The following LFNG variants were observed in gnomAD, a reference collection of about 807,000 sequenced individuals.
LFNG encodes LFNG O-fucosylpeptide 3-beta-N-acetylglucosaminyltransferase.
LFNG carries 15 observed loss-of-function variants against 32.7 expected under a neutral mutation model. The observed-to-expected ratio is 0.46, with a 90% confidence interval of 0.31 to 0.71. The LOEUF (loss-of-function observed/expected upper bound fraction) is 0.71. LFNG is among the 30% of genes least tolerant of loss of function. The pLI, the probability that LFNG is intolerant of heterozygous loss-of-function variation, is 0.06. For synonymous variants in LFNG, 274 were observed against 246.8 expected (o/e 1.11, Z -1.03); for missense variants, 520 against 545.7 (o/e 0.95, Z 0.47).
In LFNG at chr7:2,527,443, G is replaced by T. The variant is rs1780027420; in HGVS notation, c.*231G>T. 1 of 1,433,000 alleles carries T rather than the reference G, an allele frequency of 7.0e-7. No individual in the cohort carries two copies. Among genetic ancestry groups the T allele is most frequent in the African/African-American group, 1.4e-5 (1 of 70,112 alleles). 88.8% of individuals were successfully genotyped at this position (1,433,000 alleles called of 1,614,324 possible). A position where few individuals can be genotyped will look rare whatever the true frequency, so the allele number is the denominator to read the frequency against. ...CGCCACTTATGTGCCTCTGCTCCGA[G>T]GGCCAGTGGGCTGCAGGGCCTGCTT... On this transcript the variant is annotated 3_prime_UTR_variant, in exon 8 of 8. Coordinates refer to ENST00000222725, the MANE Select transcript of LFNG (RefSeq NM_001040167.2). This position sits in a 1 kb window ranked among gnomAD's most constrained non-coding sequence, Gnocchi z 4.4.
rs1779770804 is a variant in LFNG at position 2,520,969 on chromosome 7, G to A, written c.432+676G>A. Among the ~76,000 whole-genome samples, 1 of 152,146 alleles carries A rather than the reference G, an allele frequency of 6.6e-6. No individual in the cohort carries two copies. The highest frequency in any genetic ancestry group is 1.5e-5 in the Non-Finnish European group (1 of 68,034). The stretch of plus-strand genomic sequence containing the variant: ...ACACCCCACTTTGAACATTTCCCTC[G>A]AGGCCACAGCAGGACGGTTGGGCTG... On this transcript the variant is annotated intron_variant, in intron 1 of 7. Transcript: ENST00000222725. This position sits in a 1 kb window ranked among gnomAD's most constrained non-coding sequence, Gnocchi z 5.0.
intron 2 of LFNG, among the ~76,000 whole-genome samples, 156 bp downstream of exon 2, chr7:2,524,899 C>T (rs1779907905): frequency 6.6e-6 from 1 of 152,226 alleles, no homozygotes; most frequent in Non-Finnish European, 1.5e-5. Flanking sequence ...CCCGCCCCAC[C>T]ACTCGGGCCC....
upstream of LFNG, among the ~76,000 whole-genome samples, chr7:2,519,646 C>A (rs1241447624): frequency 4.7e-5 from 7 of 149,742 alleles, no homozygotes; most frequent in African/African-American, 1.7e-4. Flanking sequence ...GCCGCGGCCC[C>A]ACGTGGGTCT....
At chr7:2,515,548 G>A (rs1318134520), upstream of LFNG, among the ~76,000 whole-genome samples, 2 of 152,216 alleles carry the variant, frequency 1.3e-5, no homozygotes, top group Non-Finnish European at 2.9e-5. Flanking sequence ...AGGCCAAGTC[G>A]GCTGAACTCT....
upstream of LFNG, chr7:2,518,544 C>G (rs762597173): frequency 7.4e-7 from 1 of 1,360,430 alleles, no homozygotes; most frequent in Non-Finnish European, 1.1e-6. Context: ...AAAACCTGTT[C>G]CAGGTCTGAA....
At chr7:2,513,088 C>T, upstream of LFNG, 1 of 1,518,606 alleles carries the variant, frequency 6.6e-7, no homozygotes. Context: ...TCGTCTGGGC[C>T]CTGGGCACCT....
chr7:2,527,033 TC>T lies in LFNG; in HGVS notation c.1074-108del. ...AGCGGCATGACTCTACATAGAGGTGTCCCCCGGAGTCCTGCTTGCTCGGGGT... is the reference window on the plus strand; with the variant it reads ...AGCGGCATGACTCTACATAGAGGTGTCCCCGGAGTCCTGCTTGCTCGGGGT... On this transcript the variant is annotated intron_variant, in intron 7 of 7. Transcript: ENST00000222725. The surrounding 1 kb of genome is among the most constrained non-coding windows in gnomAD (Gnocchi z 4.4). 7.2e-7 allele frequency: 1 copy of T among 1,396,584 alleles called. No homozygotes were observed. The highest frequency in any genetic ancestry group is 1.0e-6 in the Non-Finnish European group (1 of 994,986). 86.5% of individuals were successfully genotyped at this position (1,396,584 alleles called of 1,614,324 possible).
rs923463900 is a variant in LFNG, at chr7:2,526,146, C to A, written c.822-98C>A. 15 of 1,355,552 alleles carry A rather than the reference C, an allele frequency of 1.1e-5. No homozygotes were observed. In the African/African-American group the frequency reaches 2.1e-4, roughly 19 times the overall value. The allele number at this position is 1,355,552 out of a possible 1,614,324, so 84.0% of individuals were successfully genotyped here. A position where few individuals can be genotyped will look rare whatever the true frequency, so the allele number is the denominator to read the frequency against. ...CCAGAGCTCTCCTCAGGGCTCCTCT[C>A]CCTGAGGAGTGCAGCGCCTTTGCCT... On this transcript the variant is annotated intron_variant, in intron 5 of 7. Transcript: ENST00000222725. The surrounding 1 kb of genome is among the most constrained non-coding windows in gnomAD (Gnocchi z 6.9).
upstream of LFNG, among the ~76,000 whole-genome samples, chr7:2,514,095 G>A (rs982616005): frequency 2.6e-5 from 4 of 152,246 alleles, no homozygotes; most frequent in African/African-American, 9.6e-5. Flanking sequence ...CCCAGGGCAG[G>A]GCAGGCACAT....
chr7:2,514,194 C>T (rs1779554317), upstream of LFNG, among the ~76,000 whole-genome samples: 1 of 152,256 alleles, frequency 6.6e-6, no homozygotes, highest in African/African-American at 2.4e-5. Flanking sequence ...GGCAGCCCTG[C>T]CAGGTCTTCT....
In LFNG at chr7:2,527,012, G is replaced by A; in HGVS notation, c.1073+91G>A. The A allele has an allele frequency of 2.1e-6, 3 of 1,432,524 alleles. No individual in the cohort carries two copies. The highest frequency in any genetic ancestry group is 1.8e-5 in the Admixed American group (1 of 55,546). The allele number at this position is 1,432,524 out of a possible 1,614,324, so 88.7% of individuals were successfully genotyped here. A position where few individuals can be genotyped will look rare whatever the true frequency, so the allele number is the denominator to read the frequency against. ...AGCTGCAGCAGGGTCTCTCTAAGCG[G>A]CATGACTCTACATAGAGGTGTCCCC... On this transcript the variant is annotated intron_variant, in intron 7 of 7. Transcript: ENST00000222725. This position sits in a 1 kb window ranked among gnomAD's most constrained non-coding sequence, Gnocchi z 4.4.
rs574367371 is a variant in LFNG at position 2,520,654 on chromosome 7, G to A, written c.432+361G>A. On this transcript the variant is annotated intron_variant, in intron 1 of 7. Transcript: ENST00000222725. The surrounding 1 kb of genome is among the most constrained non-coding windows in gnomAD (Gnocchi z 5.0). Reference sequence around the variant, plus strand: ...CCTCAAACTTCCACAAGCAAATTCTGTTCGGACCCACCCTCAGCTCAGACC... The same window carrying A: ...CCTCAAACTTCCACAAGCAAATTCTATTCGGACCCACCCTCAGCTCAGACC... 1.1e-4 allele frequency among the ~76,000 whole-genome samples: 16 copies of A among 152,352 alleles called. No homozygotes were observed. Among genetic ancestry groups the A allele is most frequent in the Middle Eastern group, 3.4e-3 (1 of 294 alleles).
upstream of LFNG, among the ~76,000 whole-genome samples, chr7:2,514,563 C>CATCT (rs771989847): frequency 6.6e-6 from 1 of 151,806 alleles, no homozygotes; most frequent in Non-Finnish European, 1.5e-5. Context: ...TCCATCCATC[C>CATCT]ATCCATCTAT....
rs1320763526 is a variant in LFNG at position 2,520,504 on chromosome 7, C to T, written c.432+211C>T. 6.6e-6 allele frequency among the ~76,000 whole-genome samples: 1 copy of T among 152,228 alleles called. No homozygotes were observed. On this transcript the variant is annotated intron_variant, in intron 1 of 7. Coordinates refer to ENST00000222725, the MANE Select transcript of LFNG (RefSeq NM_001040167.2). This position sits in a 1 kb window ranked among gnomAD's most constrained non-coding sequence, Gnocchi z 5.0. ...TGTGTTACTGTCCCCGGGGCCCCGC[C>T]TCCTGTCCAGCTCCAGAGTCCTGGA...
chr7:2,516,936 C>T (rs1481320624), upstream of LFNG, among the ~76,000 whole-genome samples: 4 of 152,138 alleles, frequency 2.6e-5, no homozygotes, highest in Non-Finnish European at 5.9e-5. Context: ...CAGGCTGGGC[C>T]CTGGGGCAGC....
intron 4 of LFNG, 50 bp downstream of exon 4, chr7:2,525,617 C>G (rs199749720): frequency 2.5e-6 from 4 of 1,611,782 alleles, no homozygotes; most frequent in Non-Finnish European, 2.5e-6. Context: ...AGCGCACACC[C>G]GGAGTGGGGG....
chr7:2,517,185 G>A (rs999568496), upstream of LFNG, among the ~76,000 whole-genome samples: 1 of 152,188 alleles, frequency 6.6e-6, no homozygotes, highest in African/African-American at 2.4e-5. Context: ...GGAAGCGGGC[G>A]GGGGTGGCTA....
upstream of LFNG, among the ~76,000 whole-genome samples, chr7:2,519,103 C>A (rs62444247): frequency 0.034 from 5,231 of 152,258 alleles, 179 homozygotes; most frequent in African/African-American, 0.088. Flanking sequence ...TTTCGGGGAG[C>A]CAACCCTCCC....
rs778384515 is a variant in LFNG at position 2,520,233 on chromosome 7, G to C, written c.372G>C (p.Lys124Asn). ...TCATCGCTGTCAAGACCACCAAAAA[G>C]TTCCACCGCGCGCGCCTCGACCTGC... ...DVFIAVKTTK[K>N]FHRARLDLLL... Residue 124 changes from lysine (K) to asparagine (N), a missense_variant, in exon 1 of 8, where the codon AAG becomes AAC. Around this residue, in one of 3 missense-constraint regions of LFNG, gnomAD observed 360 missense variants for 354.7 expected, o/e 1.01. Transcript: ENST00000222725. This position sits in a 1 kb window ranked among gnomAD's most constrained non-coding sequence, Gnocchi z 5.0. The C allele has an allele frequency of 1.9e-6, 3 of 1,610,058 alleles. No homozygotes were observed. The highest frequency in any genetic ancestry group is 1.1e-5 in the South Asian group (1 of 90,982).
Sources: gnomAD v4.1 joint callset for allele counts (sites outside exome capture counted in the v4.1 genomes callset) on GRCh38, gnomAD v4.1.1 for gene constraint, gnomAD v4.1.1 regional missense constraint, Gnocchi (gnomAD v3.1) non-coding constraint, MANE v1.5 for transcripts, NCBI Gene and HGNC (gene_info 2026-07-23, HGNC 2026-07-21) for gene names.